FRMD4B: variants seen among roughly 807,000 people sequenced by gnomAD.
The protein encoded by FRMD4B is FERM domain-containing protein 4B.
In FRMD4B, 74 loss-of-function variants were observed where a neutral mutation model predicts 141.5. The ratio of observed to expected loss-of-function variants is 0.52; its 90% CI spans 0.43 to 0.63. The LOEUF (loss-of-function observed/expected upper bound fraction) is 0.63, where lower values mean the gene tolerates loss of function less well. Ranked by LOEUF, FRMD4B falls within the 30% of genes least tolerant of loss-of-function variation. The pLI is 0.00. For missense variants in FRMD4B, 1,366 were observed against 1,253.4 expected (o/e 1.09, Z -1.36); for synonymous variants, 506 against 467.9 (o/e 1.08, Z -1.05).
At chr3:69,359,229 T>A (rs1703406615) in intron 1 of FRMD4B, among the ~76,000 whole-genome samples, 1 of 151,940 alleles carries the variant, frequency 6.6e-6, no homozygotes, top group African/African-American at 2.4e-5. Flanking sequence ...CAGGAGGACA[T>A]GATAAAGAGG....
rs1465435840 is a variant in FRMD4B, at chr3:69,295,297, A to G, written c.416+7046T>C. 2.6e-5 allele frequency among the ~76,000 whole-genome samples: 4 copies of G among 152,096 alleles called. No individual in the cohort carries two copies. In the East Asian group the frequency reaches 7.7e-4, roughly 29 times the overall value. ...GGGGGTGTTTACCAATGCTGAAGAC[A>G]TTATTTGACTGTCAGCACTTGGGGA... On this transcript the variant is annotated intron_variant, in intron 4 of 22. Transcript: ENST00000398540.
At chr3:69,212,380 A>G (rs201272007) in intron 11 of FRMD4B, among the ~76,000 whole-genome samples, 6 of 76,698 alleles carry the variant, frequency 7.8e-5, no homozygotes, top group African/African-American at 2.8e-4. Flanking sequence ...AAAAAAAAAA[A>G]GAAAAAAAAA....
intron 1 of FRMD4B, among the ~76,000 whole-genome samples, chr3:69,452,206 T>C (rs1400373716): frequency 6.6e-6 from 1 of 152,212 alleles, no homozygotes; most frequent in Non-Finnish European, 1.5e-5. Flanking sequence ...AGAGAAATAG[T>C]TTATGTCCTC....
intron 5 of FRMD4B, among the ~76,000 whole-genome samples, chr3:69,275,958 C>T (rs2093616117): frequency 6.6e-6 from 1 of 152,002 alleles, no homozygotes; most frequent in East Asian, 1.9e-4. Context: ...TACATAAGCA[C>T]ATAATAAAGT....
At chr3:69,423,381 A>G (rs1705016398) in intron 2 of FRMD4B, among the ~76,000 whole-genome samples, 1 of 151,828 alleles carries the variant, frequency 6.6e-6, no homozygotes, top group South Asian at 2.1e-4. Flanking sequence ...GAGTCACCCA[A>G]TGCTCCTGTT....
intron 5 of FRMD4B, 78 bp from the exon 6 acceptor site, chr3:69,250,177 C>G (rs770943238): frequency 2.1e-6 from 2 of 973,882 alleles, no homozygotes; most frequent in Non-Finnish European, 1.7e-6. Flanking sequence ...GTTGAGGAAG[C>G]TGTCACAGCT....
intron 5 of FRMD4B, among the ~76,000 whole-genome samples, chr3:69,285,950 T>C (rs1022793283): frequency 5.9e-5 from 9 of 152,066 alleles, no homozygotes; most frequent in African/African-American, 1.2e-4. Flanking sequence ...AAGATAAAGA[T>C]GACAGCAGAC....
At chr3:69,335,852 A>G (rs1702532339) in intron 1 of FRMD4B, among the ~76,000 whole-genome samples, 2 of 151,194 alleles carry the variant, frequency 1.3e-5, no homozygotes, top group Non-Finnish European at 2.9e-5. Context: ...CCTCCTGAGT[A>G]GCTGGGATTA....
At chr3:69,204,037 T>G (rs1352312490) in intron 11 of FRMD4B, among the ~76,000 whole-genome samples, 1 of 152,152 alleles carries the variant, frequency 6.6e-6, no homozygotes, top group Admixed American at 6.5e-5. Context: ...TGATACACCC[T>G]CTAGGTAGGA....
intron 1 of FRMD4B, among the ~76,000 whole-genome samples, chr3:69,524,291 A>G (rs560025357): frequency 9.2e-5 from 14 of 152,204 alleles, no homozygotes; most frequent in Non-Finnish European, 1.5e-4. Context: ...GGGAGTATTA[A>G]ATGTGGAAAT....
chr3:69,476,421 T>C (rs1450240742), intron 1 of FRMD4B, among the ~76,000 whole-genome samples: 2 of 152,242 alleles, frequency 1.3e-5, no homozygotes, highest in Non-Finnish European at 2.9e-5. Context: ...TTTCTACATA[T>C]GGCTAGCCAG....
intron 11 of FRMD4B, among the ~76,000 whole-genome samples, chr3:69,209,542 T>C (rs565088739): frequency 3.3e-5 from 5 of 152,076 alleles, no homozygotes; most frequent in South Asian, 4.1e-4. Context: ...CTGAAAAAAA[T>C]GAAGGCCCAG....
At chr3:69,272,478 C>T (rs2093598897) in intron 5 of FRMD4B, among the ~76,000 whole-genome samples, 1 of 152,174 alleles carries the variant, frequency 6.6e-6, no homozygotes. Context: ...AGTCTTAATA[C>T]AGAATTTACA....
chr3:69,200,711 G>A (rs2092957231), intron 11 of FRMD4B: 1 of 1,279,834 alleles, frequency 7.8e-7, no homozygotes, highest in Admixed American at 2.3e-5. Context: ...AGGGCAGTTG[G>A]GATTTGCCTG....
chr3:69,174,367 T>C (rs1351424300), intron 22 of FRMD4B, among the ~76,000 whole-genome samples: 1 of 152,182 alleles, frequency 6.6e-6, no homozygotes, highest in Non-Finnish European at 1.5e-5. Flanking sequence ...ATGTAGAATT[T>C]CATGTACAAC....
At chr3:69,531,007 TG>T (rs1701001877) in intron 1 of FRMD4B, among the ~76,000 whole-genome samples, 1 of 152,210 alleles carries the variant, frequency 6.6e-6, no homozygotes, top group Admixed American at 6.5e-5. Flanking sequence ...GAAGTATAAC[TG>T]GCAACAGGCA....
chr3:69,536,484 C>G (rs918363230), intron 1 of FRMD4B: 1 of 697,490 alleles, frequency 1.4e-6, no homozygotes, highest in Admixed American at 2.0e-5. Context: ...CCACCGCCAA[C>G]GTGCCCTAGC....
At chr3:69,216,429 CTTTTTTTTTTTT>C (rs397990009) in intron 10 of FRMD4B, 80 bp from the exon 11 acceptor site, 2 of 382,166 alleles carry the variant, frequency 5.2e-6, no homozygotes, top group Admixed American at 4.1e-5. Flanking sequence ...AATTTCACCT[CTTTTTTTTTTTT>C]TTTTTTTTTG....
At chr3:69,512,059 A>C (rs1175891915) in intron 1 of FRMD4B, among the ~76,000 whole-genome samples, 2 of 152,210 alleles carry the variant, frequency 1.3e-5, no homozygotes, top group African/African-American at 2.4e-5. Context: ...GTCACAGGAC[A>C]AAAGAATAAA....
Sources: gnomAD v4.1 joint callset for allele counts (sites outside exome capture counted in the v4.1 genomes callset) on GRCh38, gnomAD v4.1.1 for gene constraint, MANE v1.5 for transcripts, NCBI Gene and HGNC (gene_info 2026-07-23, HGNC 2026-07-21) for gene names.